The following SLC10A2 variants were observed in gnomAD, a reference collection of about 807,000 sequenced individuals.
The protein encoded by SLC10A2 is ileal sodium/bile acid cotransporter.
In SLC10A2, 34 loss-of-function variants were observed where a neutral mutation model predicts 27.1. The observed-to-expected ratio is 1.26, with a 90% CI of 0.96 to 1.67. The LOEUF is 1.67. Ranked by LOEUF, SLC10A2 falls within the 40% of genes most tolerant of loss-of-function variation. The probability of loss-of-function intolerance (pLI) is 0.00; values close to 1 mark genes in which losing one functional copy is unlikely to be tolerated. For synonymous variants in SLC10A2, 205 were observed against 174.0 expected (o/e 1.18, Z -1.40); for missense variants, 530 against 444.4 (o/e 1.19, Z -1.73).
Position 103,066,228 on chromosome 13 carries a change from C to T in SLC10A2, c.22G>A (p.Val8Met), listed in dbSNP as rs982174246. 5 of 1,608,728 alleles carry T rather than the reference C, an allele frequency of 3.1e-6. No homozygotes were observed. In the Admixed American group the frequency reaches 8.3e-5, roughly 27 times the overall value. The change falls in exon 1 of 6, where the codon GTG becomes ATG. Residue 8 changes from valine to methionine, a missense_variant. Coordinates refer to ENST00000245312, the MANE Select transcript of SLC10A2 (RefSeq NM_000452.3). ...CCAGAGCAAACTGTTGCATTGTCCA[C>T]ACAGCTGTTCGGATCATTCATTGCT... MNDPNSC[V>M]DNATVCSGAS...
At chr13:103,058,416 T>A (rs1876006853) in intron 1 of SLC10A2, 34 bp from the exon 2 acceptor site, 1 of 1,235,066 alleles carries the variant, frequency 8.1e-7, no homozygotes, top group Non-Finnish European at 1.2e-6. Flanking sequence ...TACATCCACC[T>A]GTGGTGTTCT....
At chr13:103,058,242 G>T in intron 2 of SLC10A2, 22 bp downstream of exon 2, 1 of 1,334,022 alleles carries the variant, frequency 7.5e-7, no homozygotes, top group Non-Finnish European at 1.1e-6. Context: ...ACAGTCAACA[G>T]TCTTACAGAT....
chr13:103,053,478 T>C (rs1428020088), intron 2 of SLC10A2, among the ~76,000 whole-genome samples: 3 of 152,216 alleles, frequency 2.0e-5, no homozygotes, highest in African/African-American at 7.2e-5. Context: ...CGACATGTGG[T>C]TTGTTTCTCC....
intron 1 of SLC10A2, among the ~76,000 whole-genome samples, chr13:103,062,946 T>C (rs2138925544): frequency 6.6e-6 from 1 of 152,290 alleles, no homozygotes. Flanking sequence ...TATTTGCCTG[T>C]GTCTGGGGAG....
chr13:103,059,574 C>T (rs184465527), intron 1 of SLC10A2, among the ~76,000 whole-genome samples: 114 of 152,254 alleles, frequency 7.5e-4, no homozygotes, highest in Admixed American at 1.2e-3. Flanking sequence ...TGCCTTGTGC[C>T]GTCCTTCCCT....
chr13:103,063,843 T>C (rs1876198061), intron 1 of SLC10A2, among the ~76,000 whole-genome samples: 1 of 152,096 alleles, frequency 6.6e-6, no homozygotes, highest in Non-Finnish European at 1.5e-5. Context: ...GAGAGAATAA[T>C]TGATAATTAA....
intron 2 of SLC10A2, among the ~76,000 whole-genome samples, chr13:103,053,765 C>A (rs1875857330): frequency 6.6e-6 from 1 of 152,068 alleles, no homozygotes; most frequent in Non-Finnish European, 1.5e-5. Context: ...TTGTAGTCTT[C>A]TAGCCCTCCT....
chr13:103,059,615 A>G (rs1039236935), intron 1 of SLC10A2, among the ~76,000 whole-genome samples: 1 of 152,164 alleles, frequency 6.6e-6, no homozygotes, highest in East Asian at 1.9e-4. Flanking sequence ...CAGAAACAGT[A>G]TTAAACGATG....
chr13:103,062,842 A>G (rs1300491459), intron 1 of SLC10A2, among the ~76,000 whole-genome samples: 1 of 152,216 alleles, frequency 6.6e-6, no homozygotes, highest in Non-Finnish European at 1.5e-5. Flanking sequence ...AAGGATGCAT[A>G]AGAATGGATT....
intron 2 of SLC10A2, 139 bp downstream of exon 2, chr13:103,058,125 G>A (rs1595441176): frequency 1.3e-6 from 1 of 755,228 alleles, no homozygotes; most frequent in East Asian, 2.5e-5. Flanking sequence ...CAAACGCAGG[G>A]GTGACTTTAT....
At chr13:103,047,582 C>T (rs1875649623) in intron 5 of SLC10A2, among the ~76,000 whole-genome samples, 1 of 148,140 alleles carries the variant, frequency 6.8e-6, no homozygotes, top group African/African-American at 2.5e-5. Context: ...TCTTTCTTCC[C>T]CTCCTCTCCT....
chr13:103,058,708 A>G (rs1377656619), intron 1 of SLC10A2, among the ~76,000 whole-genome samples: 5 of 152,098 alleles, frequency 3.3e-5, no homozygotes, highest in African/African-American at 1.2e-4. Flanking sequence ...AACATGCAGT[A>G]TTTGGTTTTC....
intron 2 of SLC10A2, among the ~76,000 whole-genome samples, chr13:103,056,717 G>C (rs553606753): frequency 6.6e-6 from 1 of 152,116 alleles, no homozygotes; most frequent in Non-Finnish European, 1.5e-5. Context: ...AAAGCAGGTG[G>C]TAGTGGAGGG....
chr13:103,058,205 AG>A, intron 2 of SLC10A2, 58 bp downstream of exon 2: 2 of 992,880 alleles, frequency 2.0e-6, no homozygotes, highest in East Asian at 2.4e-5. Flanking sequence ...AGAGCCTAGC[AG>A]GGGGTAAGCA....
In SLC10A2 at chr13:103,052,684, A is replaced by G; in HGVS notation, c.521T>C (p.Val174Ala). The G allele has an allele frequency of 6.2e-7, 1 of 1,610,192 alleles. No individual in the cohort carries two copies. Among genetic ancestry groups the G allele is most frequent in the Non-Finnish European group, 8.5e-7 (1 of 1,176,470 alleles). ...AACAAACATTCCAATGGAAACAGGAACAACGAGAGAAACCAGAGATGTACC... is the reference window on the plus strand; with the variant it reads ...AACAAACATTCCAATGGAAACAGGAGCAACGAGAGAAACCAGAGATGTACC... ...NIGTSLVSLV[V>A]PVSIGMFVNH... is the part of the protein sequence containing the mutation. Residue 174 changes from valine (V) to alanine (A), a missense_variant, in exon 3 of 6, where the codon GTT becomes GCT. Val to Ala is a moderately conservative substitution (Grantham distance 64). Coordinates refer to ENST00000245312, the MANE Select transcript of SLC10A2 (RefSeq NM_000452.3).
chr13:103,060,197 C>G (rs779205496), intron 1 of SLC10A2, among the ~76,000 whole-genome samples: 2 of 152,110 alleles, frequency 1.3e-5, no homozygotes, highest in Non-Finnish European at 2.9e-5. Context: ...AGCCTGAGCT[C>G]TAAAGCCACA....
At chr13:103,048,422 A>G (rs1875676228) in intron 5 of SLC10A2, among the ~76,000 whole-genome samples, 2 of 144,058 alleles carry the variant, frequency 1.4e-5, no homozygotes. Context: ...AAAAGAAAAG[A>G]AAAAAAGAAA....
rs201758556 is a variant in SLC10A2, at chr13:103,065,926, T to C, written c.324A>G (p.Gly108=). Reference sequence around the variant, plus strand: ...AGGCCAAGATATTGGAGGCAGTTCCTCCAGGGCAGCATCCTATAATGAGCA... The same window carrying C: ...AGGCCAAGATATTGGAGGCAGTTCCCCCAGGGCAGCATCCTATAATGAGCA... ...VVVLIIGCCP[G]GTASNILAYW... Residue 108 remains glycine (G), a synonymous_variant, in exon 1 of 6, where the codon GGA becomes GGG. Transcript: ENST00000245312. 1.2e-6 allele frequency: 2 copies of C among 1,614,182 alleles called. No homozygotes were observed. Among genetic ancestry groups the C allele is most frequent in the Non-Finnish European group, 1.7e-6 (2 of 1,180,022 alleles).
At chr13:103,047,866 T>C (rs1215458862) in intron 5 of SLC10A2, among the ~76,000 whole-genome samples, 1 of 152,094 alleles carries the variant, frequency 6.6e-6, no homozygotes, top group African/African-American at 2.4e-5. Context: ...CATTAAGTAA[T>C]TATTTGGAAA....
Sources: allele counts gnomAD v4.1 joint callset (sites outside exome capture counted in the v4.1 genomes callset), GRCh38; gene constraint gnomAD v4.1.1; transcripts MANE v1.5; gene names NCBI Gene and HGNC (gene_info 2026-07-23, HGNC 2026-07-21).